TECPR2: variants seen among roughly 807,000 people sequenced by gnomAD.
TECPR2 encodes the protein tectonin beta-propeller repeat-containing protein 2.
Under a neutral mutation model 138.1 loss-of-function variants are expected in TECPR2, and 65 were observed. The observed-to-expected ratio is 0.47, with a 90% confidence interval of 0.39 to 0.58. The LOEUF is 0.58. Ranked by LOEUF, TECPR2 falls within the 20% of genes least tolerant of loss-of-function variation. TECPR2 has a pLI of 0.00. For missense variants in TECPR2, 1,553 were observed against 1,824.5 expected (o/e 0.85, Z 2.71); for synonymous variants, 746 against 749.8 (o/e 0.99, Z 0.08).
chr14:102,384,171 G>A lies in TECPR2; in HGVS notation c.219+7231G>A, dbSNP rs575242057. Among the ~76,000 whole-genome samples, 5 of 151,926 alleles carry A rather than the reference G, an allele frequency of 3.3e-5. 1 individual carries two copies. The South Asian group carries it at 6.2e-4, about 19-fold the overall frequency. Reference sequence around the variant, plus strand: ...CGACCCCAGGTGATCCACCTGCCTCGGCCTCCCAAAGTGCTGGGATTACGG... The same window carrying A: ...CGACCCCAGGTGATCCACCTGCCTCAGCCTCCCAAAGTGCTGGGATTACGG... On this transcript the variant is annotated intron_variant, in intron 2 of 19. Transcript: ENST00000359520.
In TECPR2 at chr14:102,434,766, T is replaced by G; in HGVS notation, c.1949T>G (p.Val650Gly). 6.2e-7 allele frequency: 1 copy of G among 1,613,454 alleles called. No individual in the cohort carries two copies. ...CEVPLLNSLT[V>G]PSSLSWAPSA... ...GTCCCCCTCCTGAACTCACTCACTG[T>G]GCCTTCCAGCCTCAGCTGGGCCCCA... Residue 650 changes from valine to glycine, a missense_variant, in exon 9 of 20, where the codon GTG becomes GGG. Coordinates refer to ENST00000359520, the MANE Select transcript of TECPR2 (RefSeq NM_014844.5).
intron 7 of TECPR2, among the ~76,000 whole-genome samples, chr14:102,431,552 C>G (rs572510532): frequency 2.0e-5 from 3 of 152,070 alleles, no homozygotes; most frequent in Admixed American, 6.5e-5. Context: ...CTGTGTTAGC[C>G]AGGATGGTCT....
chr14:102,456,138 G>A (rs1435875065), intron 16 of TECPR2, among the ~76,000 whole-genome samples: 1 of 152,160 alleles, frequency 6.6e-6, no homozygotes, highest in East Asian at 1.9e-4. Flanking sequence ...TCTAAATGTT[G>A]GCCATCTCCG....
At chr14:102,428,214 T>C in intron 6 of TECPR2, 36 bp from the exon 7 acceptor site, 2 of 1,492,070 alleles carry the variant, frequency 1.3e-6, no homozygotes, top group Non-Finnish European at 1.8e-6. Context: ...TTTAGTTTTG[T>C]GTTTTTTGTT....
At chr14:102,392,263 G>C (rs951473941) in intron 2 of TECPR2, among the ~76,000 whole-genome samples, 1 of 152,206 alleles carries the variant, frequency 6.6e-6, no homozygotes, top group Non-Finnish European at 1.5e-5. Context: ...AAAGTGCTGG[G>C]ATTACAGGCG....
At chr14:102,372,557 G>A (rs568584732) in intron 1 of TECPR2, among the ~76,000 whole-genome samples, 58 of 152,254 alleles carry the variant, frequency 3.8e-4, no homozygotes, top group African/African-American at 1.1e-3. Flanking sequence ...GTGAGACACC[G>A]CGCCCAGCCT....
chr14:102,447,739 T>G (rs1197909692), intron 13 of TECPR2, among the ~76,000 whole-genome samples: 4 of 152,128 alleles, frequency 2.6e-5, no homozygotes, highest in Admixed American at 1.3e-4. Context: ...TTCACCATGT[T>G]GGCCAGGTTG....
intron 12 of TECPR2, among the ~76,000 whole-genome samples, chr14:102,444,546 C>G (rs1889917989): frequency 6.6e-6 from 1 of 151,638 alleles, no homozygotes; most frequent in African/African-American, 2.4e-5. Context: ...TTTTACCATT[C>G]AAGATGTTAG....
At chr14:102,402,168 A>G (rs1420861842) in intron 2 of TECPR2, among the ~76,000 whole-genome samples, 1 of 152,228 alleles carries the variant, frequency 6.6e-6, no homozygotes, top group Non-Finnish European at 1.5e-5. Flanking sequence ...ATTAGTGTCA[A>G]TAGATTTTAA....
Position 102,362,992 on chromosome 14 carries a change from G to A in TECPR2, c.-197G>A. ...CGGCGGAGCCAGCTGCTGCTCTTCGGTGCTGGCCCCGGTGCCGGCCCCGTT... is the reference window on the plus strand; with the variant it reads ...CGGCGGAGCCAGCTGCTGCTCTTCGATGCTGGCCCCGGTGCCGGCCCCGTT... On this transcript the variant is annotated 5_prime_UTR_variant, in exon 1 of 20. In the 5' UTR this introduces an upstream ATG that the reference lacks. Coordinates refer to ENST00000359520, the MANE Select transcript of TECPR2 (RefSeq NM_014844.5). 1 of 1,162,562 alleles carries A rather than the reference G, an allele frequency of 8.6e-7. No individual in the cohort carries two copies. The highest frequency in any genetic ancestry group is 2.6e-5 in the East Asian group (1 of 38,664). The allele number at this position is 1,162,562 out of a possible 1,614,324, so 72.0% of individuals were successfully genotyped here. A position where few individuals can be genotyped will look rare whatever the true frequency, so the allele number is the denominator to read the frequency against.
intron 12 of TECPR2, among the ~76,000 whole-genome samples, chr14:102,444,410 G>A (rs986691660): frequency 1.3e-5 from 2 of 151,958 alleles, no homozygotes; most frequent in African/African-American, 4.8e-5. Flanking sequence ...ATGTTGCCCA[G>A]ACTCATCTCG....
intron 5 of TECPR2, 89 bp from the exon 6 acceptor site, chr14:102,424,890 T>C (rs1239898924): frequency 7.6e-7 from 1 of 1,320,168 alleles, no homozygotes; most frequent in Non-Finnish European, 1.0e-6. Context: ...AAAATTCTTG[T>C]TGTACTTAAT....
At chr14:102,482,242 G>A (rs969365931) in intron 17 of TECPR2, among the ~76,000 whole-genome samples, 1 of 152,082 alleles carries the variant, frequency 6.6e-6, no homozygotes, top group Admixed American at 6.5e-5. Flanking sequence ...TTTTAATAGA[G>A]ACAGGGTTTC....
chr14:102,392,429 C>A (rs1049128332), intron 2 of TECPR2, among the ~76,000 whole-genome samples: 25 of 152,066 alleles, frequency 1.6e-4, no homozygotes, highest in Admixed American at 1.1e-3. Context: ...TAGTTCAATA[C>A]TTTTTTTTCC....
intron 6 of TECPR2, among the ~76,000 whole-genome samples, chr14:102,425,517 A>G (rs904342808): frequency 6.6e-6 from 1 of 152,170 alleles, no homozygotes; most frequent in African/African-American, 2.4e-5. Flanking sequence ...TCTGCCGAGA[A>G]ATGATGTATG....
rs10650505 is a variant in TECPR2, at chr14:102,432,298, T to TACACACACACACACACACAC, written c.1417+175_1417+194dup. Among the ~76,000 whole-genome samples the TACACACACACACACACACAC allele has an allele frequency of 3.3e-3, 497 of 148,876 alleles. 1 individual carries two copies. The highest frequency in any genetic ancestry group is 0.024 in the South Asian group (113 of 4,714). ...CAAAATACTTCACATTAACGGAAAATACACACACACACACACACACACACT... is the reference window on the plus strand; with the variant it reads ...CAAAATACTTCACATTAACGGAAAATACACACACACACACACACACACACACACACACACACACACACACT... On this transcript the variant is annotated intron_variant, in intron 8 of 19. Transcript: ENST00000359520.
chr14:102,434,038 A>G (rs766599486), intron 8 of TECPR2, among the ~76,000 whole-genome samples, 197 bp from the exon 9 acceptor site: 10 of 152,244 alleles, frequency 6.6e-5, no homozygotes, highest in Middle Eastern at 3.4e-3. Context: ...CCTCAAACCC[A>G]TGGATTTGTT....
intron 15 of TECPR2, among the ~76,000 whole-genome samples, chr14:102,450,859 G>C (rs1001894789): frequency 1.3e-5 from 2 of 152,222 alleles, no homozygotes; most frequent in Non-Finnish European, 2.9e-5. Flanking sequence ...GAGAGGGACC[G>C]AGCGTGGTGA....
At chr14:102,458,703 C>T (rs1034325898) in intron 16 of TECPR2, among the ~76,000 whole-genome samples, 1 of 152,118 alleles carries the variant, frequency 6.6e-6, no homozygotes, top group Non-Finnish European at 1.5e-5. Flanking sequence ...GCCTAGCATT[C>T]CTTCCGTGGG....
Sources: allele counts gnomAD v4.1 joint callset (sites outside exome capture counted in the v4.1 genomes callset), GRCh38; gene constraint gnomAD v4.1.1; transcripts MANE v1.5; gene names NCBI Gene and HGNC (gene_info 2026-07-23, HGNC 2026-07-21).